FNDC3B: variants seen among roughly 807,000 people sequenced by gnomAD.
The protein encoded by FNDC3B is fibronectin type III domain-containing protein 3B.
Under a neutral mutation model 151.5 loss-of-function variants are expected in FNDC3B, and 12 were observed. That is an observed-to-expected ratio of 0.08 (90% CI 0.05 to 0.13). The LOEUF (loss-of-function observed/expected upper bound fraction) is 0.13. Ranked by LOEUF, FNDC3B falls within the 10% of genes least tolerant of loss-of-function variation. FNDC3B has a pLI of 1.00. For synonymous variants in FNDC3B, 528 were observed against 549.0 expected, an observed-to-expected ratio of 0.96 and a Z score of 0.54; for missense variants, 1,214 against 1,505.3, an observed-to-expected ratio of 0.81 and a Z score of 3.20.
chr3:172,322,635 C>G (rs6762882), intron 11 of FNDC3B, among the ~76,000 whole-genome samples: 13 of 152,082 alleles, frequency 8.5e-5, no homozygotes, highest in East Asian at 1.9e-4. Flanking sequence ...TTTTTAGGTA[C>G]TATAACCTAA....
At position 172,353,558 on chromosome 3, in the gene FNDC3B, CAG is replaced by C. The variant is rs531731617; in HGVS notation, c.2795+476_2795+477del. 2.6e-4 allele frequency among the ~76,000 whole-genome samples: 40 copies of C among 152,244 alleles called. No homozygotes were observed. In the East Asian group the frequency reaches 6.0e-3, roughly 23 times the overall value. ...GACTTCTAAAAAAATATCTGGAGCTCAGGGGTTCAACTGAGGGAACACATGTT... is the reference window on the plus strand; with the variant it reads ...GACTTCTAAAAAAATATCTGGAGCTCGGGTTCAACTGAGGGAACACATGTT... On this transcript the variant is annotated intron_variant, in intron 22 of 25. Coordinates refer to ENST00000415807, the MANE Select transcript of FNDC3B (RefSeq NM_022763.4).
chr3:172,388,972 G>C (rs1297200385), intron 25 of FNDC3B, among the ~76,000 whole-genome samples: 2 of 152,188 alleles, frequency 1.3e-5, no homozygotes, highest in Non-Finnish European at 2.9e-5. Flanking sequence ...AATCACATGA[G>C]ACTATTATTT....
chr3:172,284,374 G>A (rs1027935686), intron 6 of FNDC3B, among the ~76,000 whole-genome samples: 3 of 152,026 alleles, frequency 2.0e-5, no homozygotes, highest in South Asian at 2.1e-4. Context: ...TGCCTACTCC[G>A]GACCCTGTGG....
chr3:172,286,766 G>A (rs1730041947), intron 7 of FNDC3B, among the ~76,000 whole-genome samples: 1 of 152,178 alleles, frequency 6.6e-6, no homozygotes, highest in Admixed American at 6.5e-5. Context: ...TTACTCTGGT[G>A]AGGAGCAGGC....
intron 4 of FNDC3B, among the ~76,000 whole-genome samples, chr3:172,243,155 C>T (rs1727585644): frequency 6.6e-6 from 1 of 152,202 alleles, no homozygotes; most frequent in African/African-American, 2.4e-5. Context: ...TAGTCAAAGC[C>T]ATTCAAGTCT....
intron 3 of FNDC3B, chr3:172,134,358 T>A (rs1721256847): frequency 1.9e-6 from 1 of 518,234 alleles, no homozygotes; most frequent in Non-Finnish European, 3.9e-6. Context: ...GTAAACACTG[T>A]AGTGTTAAAA....
At chr3:172,317,014 A>G (rs1731819875) in intron 11 of FNDC3B, among the ~76,000 whole-genome samples, 1 of 152,178 alleles carries the variant, frequency 6.6e-6, no homozygotes, top group South Asian at 2.1e-4. Context: ...AGGGAAGGGA[A>G]CCAAACTCGT....
chr3:172,266,203 AT>A (rs772270461), intron 6 of FNDC3B, among the ~76,000 whole-genome samples: 6 of 152,126 alleles, frequency 3.9e-5, no homozygotes, highest in Non-Finnish European at 8.8e-5. Context: ...ATTTGGCCCA[AT>A]TTTCTTCACT....
chr3:172,357,543 C>T (rs1576942979), intron 22 of FNDC3B, among the ~76,000 whole-genome samples: 1 of 152,154 alleles, frequency 6.6e-6, no homozygotes, highest in African/African-American at 2.4e-5. Context: ...TTTGTTTTGC[C>T]CATTAGTCCA....
chr3:172,188,860 G>A (rs1423709583), intron 3 of FNDC3B, among the ~76,000 whole-genome samples: 1 of 152,116 alleles, frequency 6.6e-6, no homozygotes, highest in East Asian at 1.9e-4. Context: ...TTCCTGCACT[G>A]CTCCCCAGGT....
intron 2 of FNDC3B, among the ~76,000 whole-genome samples, chr3:172,124,371 G>A (rs1200666968): frequency 1.3e-5 from 2 of 152,212 alleles, no homozygotes; most frequent in African/African-American, 2.4e-5. Flanking sequence ...GATTTCGGGC[G>A]TGAGCCACCA....
At chr3:172,224,125 A>G (rs549372496) in intron 3 of FNDC3B, among the ~76,000 whole-genome samples, 1 of 152,232 alleles carries the variant, frequency 6.6e-6, no homozygotes, top group Non-Finnish European at 1.5e-5. Context: ...TTTCACAGAT[A>G]CTGCTCAGGA....
chr3:172,334,324 CCCCCA>C lies in FNDC3B; in HGVS notation c.1642-615_1642-611del, dbSNP rs1214541406. On this transcript the variant is annotated intron_variant, in intron 14 of 25. Coordinates refer to ENST00000415807, the MANE Select transcript of FNDC3B (RefSeq NM_022763.4). ...AAGTGGGGCTATTTTTATGTCCCCC[CCCCCA>C]CCCCCATATTTTCCTTTCACAAAAC... Among the ~76,000 whole-genome samples the C allele has an allele frequency of 1.2e-4, 16 of 130,964 alleles. No homozygotes were observed. In the Admixed American group the frequency reaches 1.4e-3, roughly 11 times the overall value. The allele number at this position is 130,964 out of a possible 152,430, so 85.9% of individuals were successfully genotyped here.
intron 1 of FNDC3B, among the ~76,000 whole-genome samples, chr3:172,069,881 A>G (rs1717682351): frequency 6.6e-6 from 1 of 152,140 alleles, no homozygotes; most frequent in Non-Finnish European, 1.5e-5. Flanking sequence ...ATCTGTTTCT[A>G]TTATATATAT....
intron 4 of FNDC3B, among the ~76,000 whole-genome samples, chr3:172,230,043 T>C (rs1726805728): frequency 6.6e-6 from 1 of 152,108 alleles, no homozygotes; most frequent in South Asian, 2.1e-4. Flanking sequence ...ATCTAGGAAC[T>C]AAAACTATAA....
chr3:172,238,095 C>A (rs964623439), intron 4 of FNDC3B, among the ~76,000 whole-genome samples: 11 of 152,158 alleles, frequency 7.2e-5, no homozygotes, highest in Non-Finnish European at 1.5e-5. Context: ...TGTTTTCAAC[C>A]ACACTTTTAA....
rs78398144 is a variant in FNDC3B at position 172,327,228 on chromosome 3, C to T, written c.1255-1724C>T. Among the ~76,000 whole-genome samples the T allele has an allele frequency of 6.7e-3, 1,013 of 152,294 alleles. 6 individuals are homozygous for T. Among genetic ancestry groups the T allele is most frequent in the Non-Finnish European group, 0.011 (749 of 68,016 alleles). ...CTTTACTTGCTGCACACCCCCAACT[C>T]GGCCACCAAGTTGCATCTGAATGCA... is the stretch of plus-strand genomic sequence containing the variant. On this transcript the variant is annotated intron_variant, in intron 11 of 25. Transcript: ENST00000415807.
chr3:172,380,054 G>A (rs566830838), intron 24 of FNDC3B, among the ~76,000 whole-genome samples: 34 of 144,818 alleles, frequency 2.3e-4, no homozygotes, highest in East Asian at 9.9e-4. Flanking sequence ...TATTTCCAGC[G>A]TAGGCTCCTT....
chr3:172,307,641 C>A, intron 10 of FNDC3B, 140 bp downstream of exon 10: 1 of 751,438 alleles, frequency 1.3e-6, no homozygotes, highest in Non-Finnish European at 2.2e-6. Context: ...CTGCAGTGAG[C>A]CATGATCACG....
Sources: gnomAD v4.1 joint callset for allele counts (sites outside exome capture counted in the v4.1 genomes callset) on GRCh38, gnomAD v4.1.1 for gene constraint, MANE v1.5 for transcripts, NCBI Gene and HGNC (gene_info 2026-07-23, HGNC 2026-07-21) for gene names.